Variants in ABLIM1 observed in about 807,000 individuals in gnomAD.
The protein encoded by ABLIM1 is actin binding LIM protein 1.
ABLIM1 carries 40 observed loss-of-function variants against 107.0 expected under a neutral mutation model. The ratio of observed to expected loss-of-function variants is 0.37; its 90% CI spans 0.29 to 0.49. The LOEUF is 0.49. ABLIM1 is among the 20% of genes least tolerant of loss of function. The pLI is 0.97. For synonymous variants in ABLIM1, 357 were observed against 357.3 expected (o/e 1.00, Z 0.01); for missense variants, 857 against 1,008.5 (o/e 0.85, Z 2.04).
At chr10:114,733,078 G>C (rs1213013547) in intron 1 of ABLIM1, among the ~76,000 whole-genome samples, 1 of 152,184 alleles carries the variant, frequency 6.6e-6, no homozygotes, top group East Asian at 1.9e-4. Flanking sequence ...AGAGCCATGA[G>C]TGTAGTTACA....
At chr10:114,475,001 G>T (rs1173012273) in intron 8 of ABLIM1, among the ~76,000 whole-genome samples, 1 of 152,184 alleles carries the variant, frequency 6.6e-6, no homozygotes, top group African/African-American at 2.4e-5. Context: ...CCCCAGCCAT[G>T]TGGAACTGGA....
intron 12 of ABLIM1, among the ~76,000 whole-genome samples, chr10:114,455,148 A>G (rs2062567469): frequency 7.5e-6 from 1 of 133,746 alleles, no homozygotes; most frequent in South Asian, 2.3e-4. Flanking sequence ...CTCAGCATGT[A>G]CATTTTTAAG....
chr10:114,457,488 T>C (rs909558814), intron 12 of ABLIM1, among the ~76,000 whole-genome samples: 14 of 152,110 alleles, frequency 9.2e-5, no homozygotes, highest in Admixed American at 8.5e-4. Flanking sequence ...CAGGCTGATC[T>C]CAAACTCCTG....
intron 19 of ABLIM1, 109 bp from the exon 20 acceptor site, chr10:114,440,198 C>A: frequency 8.4e-7 from 1 of 1,185,270 alleles, no homozygotes; most frequent in South Asian, 1.3e-5. Context: ...GCCCTATAAA[C>A]CATGTTCTTT....
intron 1 of ABLIM1, among the ~76,000 whole-genome samples, chr10:114,641,247 TAA>T (rs35168530): frequency 1.5e-3 from 56 of 37,072 alleles, no homozygotes; most frequent in African/African-American, 4.0e-3. Context: ...AAGCCAATCA[TAA>T]AAAAAAAAAA....
At chr10:114,698,638 G>A (rs1015647106) in intron 1 of ABLIM1, among the ~76,000 whole-genome samples, 5 of 152,088 alleles carry the variant, frequency 3.3e-5, no homozygotes, top group African/African-American at 1.2e-4. Context: ...TTAGAACTCT[G>A]AACATACAGA....
At chr10:114,785,106 GTTTA>G in the ABLIM1 span, among the ~76,000 whole-genome samples, 53 of 152,266 alleles carry the variant, frequency 3.5e-4, no homozygotes, top group African/African-American at 1.2e-3. Context: ...CTCGTACAAA[GTTTA>G]TTTTTCAGAT....
rs77941690 is a variant in ABLIM1 at position 114,571,509 on chromosome 10, G to A, written c.564-103C>T. 8,297 of 1,129,112 alleles carry A rather than the reference G, an allele frequency of 7.3e-3. 181 individuals are homozygous for A. The highest frequency in any genetic ancestry group is 0.069 in the African/African-American group (4,524 of 65,922). The allele number at this position is 1,129,112 out of a possible 1,614,324, so 69.9% of individuals were successfully genotyped here. A position where few individuals can be genotyped will look rare whatever the true frequency, so the allele number is the denominator to read the frequency against. Reference sequence around the variant, plus strand: ...CTCCGGTGCCCATTTATTTCTTGGAGAAGCAGCAGCCAACATGTCTGAAAT... The same window carrying A: ...CTCCGGTGCCCATTTATTTCTTGGAAAAGCAGCAGCCAACATGTCTGAAAT... On this transcript the variant is annotated intron_variant, in intron 3 of 22. Transcript: ENST00000533213.
At chr10:114,560,350 A>T (rs1158022680) in intron 4 of ABLIM1, among the ~76,000 whole-genome samples, 2 of 152,232 alleles carry the variant, frequency 1.3e-5, no homozygotes, top group African/African-American at 4.8e-5. Context: ...CCACATAATG[A>T]TGTTTGGGTC....
intron 1 of ABLIM1, among the ~76,000 whole-genome samples, chr10:114,605,204 G>A (rs1259482137): frequency 6.6e-6 from 1 of 152,218 alleles, no homozygotes; most frequent in Non-Finnish European, 1.5e-5. Flanking sequence ...TCAAGTCAGT[G>A]TCAAGAAAGG....
intron 8 of ABLIM1, chr10:114,485,273 C>A (rs758752189): frequency 1.9e-6 from 3 of 1,575,124 alleles, no homozygotes; most frequent in Non-Finnish European, 2.6e-6. Context: ...TGGCTTCGAG[C>A]CCCAGCCTAG....
At chr10:114,510,960 T>C (rs2061773521) in intron 6 of ABLIM1, among the ~76,000 whole-genome samples, 1 of 151,976 alleles carries the variant, frequency 6.6e-6, no homozygotes, top group Non-Finnish European at 1.5e-5. Flanking sequence ...CACAGGGTCT[T>C]TTCAGTCTTA....
chr10:114,539,851 AGGC>A (rs1487073233), intron 6 of ABLIM1, among the ~76,000 whole-genome samples: 1 of 147,402 alleles, frequency 6.8e-6, no homozygotes, highest in Non-Finnish European at 1.5e-5. Context: ...TGTTACCATT[AGGC>A]TGTTAGGCAG....
chr10:114,462,803 T>C lies in ABLIM1; in HGVS notation c.1441+2895A>G, dbSNP rs114191202. On this transcript the variant is annotated intron_variant, in intron 12 of 22. Coordinates refer to ENST00000533213, the MANE Select transcript of ABLIM1 (RefSeq NM_002313.7). ...TTTTCAAAGTAGTGGATAATAAATC[T>C]TATGGTCTTAAACATACTTCCTGCT... Among the ~76,000 whole-genome samples the C allele has an allele frequency of 6.8e-3, 1,037 of 152,160 alleles. 13 individuals are homozygous for C. The highest frequency in any genetic ancestry group is 0.024 in the African/African-American group (989 of 41,506).
the ABLIM1 span, among the ~76,000 whole-genome samples, chr10:114,793,265 C>G: frequency 7.2e-5 from 11 of 152,172 alleles, no homozygotes; most frequent in South Asian, 2.1e-4. Flanking sequence ...GCACCATCCT[C>G]TTGGTGCTGT....
chr10:114,458,368 A>G (rs1253696394), intron 12 of ABLIM1, among the ~76,000 whole-genome samples: 1 of 152,046 alleles, frequency 6.6e-6, no homozygotes, highest in Non-Finnish European at 1.5e-5. Flanking sequence ...ACTGTACTTA[A>G]CACATTTAAA....
At chr10:114,756,050 A>T (rs183113335) in intron 1 of ABLIM1, among the ~76,000 whole-genome samples, 1 of 150,354 alleles carries the variant, frequency 6.7e-6, no homozygotes, top group Admixed American at 6.7e-5. Context: ...ATACTTAATT[A>T]TTTAATCCAT....
intron 1 of ABLIM1, among the ~76,000 whole-genome samples, chr10:114,615,900 C>T (rs1458316147): frequency 1.3e-5 from 2 of 151,990 alleles, no homozygotes; most frequent in African/African-American, 4.8e-5. Context: ...GAGAACCACA[C>T]AACAAAGCAC....
intron 1 of ABLIM1, among the ~76,000 whole-genome samples, chr10:114,737,771 C>T (rs2082208988): frequency 6.6e-6 from 1 of 152,104 alleles, no homozygotes; most frequent in Admixed American, 6.6e-5. Flanking sequence ...TGATTATGGT[C>T]TCAGGAGATA....
Sources: allele counts gnomAD v4.1 joint callset (sites outside exome capture counted in the v4.1 genomes callset), GRCh38; gene constraint gnomAD v4.1.1; transcripts MANE v1.5; gene names NCBI Gene and HGNC (gene_info 2026-07-23, HGNC 2026-07-21).